NMT2: variants seen among roughly 807,000 people sequenced by gnomAD.
The protein encoded by NMT2 is N-myristoyltransferase 2.
NMT2 carries 35 observed loss-of-function variants against 65.4 expected under a neutral mutation model. That is an observed-to-expected ratio of 0.54 (90% CI 0.41 to 0.71). The LOEUF (loss-of-function observed/expected upper bound fraction) is 0.71, where lower values mean the gene tolerates loss of function less well. NMT2 is among the 30% of genes least tolerant of loss of function. The probability of loss-of-function intolerance (pLI) is 0.00; values close to 1 mark genes in which losing one functional copy is unlikely to be tolerated. For synonymous variants in NMT2, 226 were observed against 231.8 expected, an observed-to-expected ratio of 0.98 and a Z score of 0.23; for missense variants, 489 against 611.3, an observed-to-expected ratio of 0.80 and a Z score of 2.11.
At chr10:15,132,084 C>T (rs1441228267) in intron 6 of NMT2, among the ~76,000 whole-genome samples, 1 of 151,840 alleles carries the variant, frequency 6.6e-6, no homozygotes, top group Non-Finnish European at 1.5e-5. Context: ...AGGCTGGTCT[C>T]GAACTCCTGA....
chr10:15,137,423 T>C (rs1846551806), intron 2 of NMT2, among the ~76,000 whole-genome samples: 1 of 152,134 alleles, frequency 6.6e-6, no homozygotes, highest in Admixed American at 6.6e-5. Flanking sequence ...ACAAAATACT[T>C]TTCCGGTTCT....
At chr10:15,124,452 A>C in intron 8 of NMT2, among the ~76,000 whole-genome samples, 1 of 152,216 alleles carries the variant, frequency 6.6e-6, no homozygotes, top group East Asian at 1.9e-4. Flanking sequence ...TGTGATTAGT[A>C]AATGAGACTA....
chr10:15,119,952 C>T (rs1462071249), intron 8 of NMT2, among the ~76,000 whole-genome samples: 3 of 152,182 alleles, frequency 2.0e-5, no homozygotes, highest in African/African-American at 2.4e-5. Context: ...TTCTGGAGTA[C>T]AGGCAGCCCT....
chr10:15,138,967 G>A (rs1195458330), intron 2 of NMT2, among the ~76,000 whole-genome samples: 1 of 152,192 alleles, frequency 6.6e-6, no homozygotes, highest in Non-Finnish European at 1.5e-5. Flanking sequence ...TAACGTTTGA[G>A]TCAGTGGGCT....
intron 1 of NMT2, among the ~76,000 whole-genome samples, chr10:15,166,400 T>C (rs1833379543): frequency 2.0e-5 from 3 of 152,236 alleles, no homozygotes; most frequent in South Asian, 4.1e-4. Context: ...AGGCCGAGTA[T>C]AGAAAAAGAG....
Position 15,112,817 on chromosome 10 carries a change from G to A in NMT2, c.1317C>T (p.Asp439=), listed in dbSNP as rs137889266. ...TETPLLDLMS[D]ALILAKSKGF... ...TTACCGATTTAGCCAGGATGAGCGCGTCGCTCATGAGGTCCAGCAGGGGCG... is the reference window on the plus strand; with the variant it reads ...TTACCGATTTAGCCAGGATGAGCGCATCGCTCATGAGGTCCAGCAGGGGCG... The change falls in exon 10 of 12, where the codon GAC becomes GAT. Residue 439 remains aspartate, a synonymous_variant. Coordinates refer to ENST00000378165, the MANE Select transcript of NMT2 (RefSeq NM_004808.3). 3.6e-4 allele frequency: 587 copies of A among 1,613,232 alleles called. 4 individuals are homozygous for A. The South Asian group carries it at 5.9e-3, about 16-fold the overall frequency.
At chr10:15,114,895 C>T (rs1845694869) in intron 9 of NMT2, among the ~76,000 whole-genome samples, 1 of 151,960 alleles carries the variant, frequency 6.6e-6, no homozygotes, top group Non-Finnish European at 1.5e-5. Context: ...TCCAGCTACA[C>T]AGGAGGCTGA....
rs1359326954 is a variant in NMT2 at position 15,141,562 on chromosome 10, A to G, written c.111-5T>C. Reference sequence around the variant, plus strand: ...CCCAAATACCCTCCAGGACTTCTGCAGGAAATGCAAAGATGGTGAAACCAA... The same window carrying G: ...CCCAAATACCCTCCAGGACTTCTGCGGGAAATGCAAAGATGGTGAAACCAA... On this transcript the variant is annotated splice_polypyrimidine_tract_variant and splice_region_variant and intron_variant, in intron 1 of 11. Coordinates refer to ENST00000378165, the MANE Select transcript of NMT2 (RefSeq NM_004808.3). 6.2e-7 allele frequency: 1 copy of G among 1,604,688 alleles called. No homozygotes were observed. The highest frequency in any genetic ancestry group is 1.3e-5 in the African/African-American group (1 of 74,564).
rs1346001787 is a variant in NMT2 at position 15,135,295 on chromosome 10, T to C, written c.370A>G (p.Thr124Ala). The change falls in exon 3 of 12, where the codon ACA (threonine) becomes GCA (alanine). Residue 124 changes from threonine (T) to alanine (A), a missense_variant. Thr to Ala is a moderately conservative substitution (Grantham distance 58, BLOSUM62 0). Transcript: ENST00000378165. ...TTACCTAGTTTTGGTACCGGTTGTG[T>C]GTCCCAAAACTGGTATCTGTGCTTT... ...AAKHRYQFWD[T>A]QPVPKLDEVI... 6.2e-7 allele frequency: 1 copy of C among 1,614,012 alleles called. No individual in the cohort carries two copies. Among genetic ancestry groups the C allele is most frequent in the East Asian group, 2.2e-5 (1 of 44,900 alleles).
In NMT2 at chr10:15,108,661, C is replaced by A. The variant is rs1447769816; in HGVS notation, c.*534G>T. 2.0e-6 allele frequency: 2 copies of A among 989,590 alleles called. No homozygotes were observed. The highest frequency in any genetic ancestry group is 2.3e-4 in the East Asian group (2 of 8,874). 61.3% of individuals were successfully genotyped at this position (989,590 alleles called of 1,614,324 possible). A position where few individuals can be genotyped will look rare whatever the true frequency, so the allele number is the denominator to read the frequency against. ...ATTTTAATATTGCTCTGCACTTAAA[C>A]AACCACCACCTGTCACTGAGCTACA... On this transcript the variant is annotated 3_prime_UTR_variant, in exon 12 of 12. Coordinates refer to ENST00000378165, the MANE Select transcript of NMT2 (RefSeq NM_004808.3).
Position 15,108,519 on chromosome 10 carries a change from A to G in NMT2, c.*676T>C. The G allele has an allele frequency of 1.0e-6, 1 of 985,724 alleles. No homozygotes were observed. The highest frequency in any genetic ancestry group is 1.2e-6 in the Non-Finnish European group (1 of 830,162). 61.1% of individuals were successfully genotyped at this position (985,724 alleles called of 1,614,324 possible). On this transcript the variant is annotated 3_prime_UTR_variant, in exon 12 of 12. Coordinates refer to ENST00000378165, the MANE Select transcript of NMT2 (RefSeq NM_004808.3). The stretch of plus-strand genomic sequence containing the variant: ...TTCAGAGAGCACAGTGAGTGCTTGC[A>G]CAAAACTCTGCTTTTGAAGCAATCC...
rs374992347 is a variant in NMT2, at chr10:15,133,205, G to A, written c.510+40C>T. The A allele has an allele frequency of 3.8e-6, 6 of 1,595,958 alleles. No homozygotes were observed. The African/African-American group carries it at 8.0e-5, about 21-fold the overall frequency. ...CAGAATCAACTTAGAAGCAATGTGT[G>A]AATGCAGGAGTTGAATTTAAGAGGT... On this transcript the variant is annotated intron_variant, in intron 4 of 11. Coordinates refer to ENST00000378165, the MANE Select transcript of NMT2 (RefSeq NM_004808.3).
At chr10:15,126,670 A>G (rs1846083739) in intron 8 of NMT2, among the ~76,000 whole-genome samples, 1 of 152,216 alleles carries the variant, frequency 6.6e-6, no homozygotes. Context: ...CTACAGGAGC[A>G]TGGAAATGGA....
At chr10:15,111,597 G>A (rs1845519268) in intron 10 of NMT2, 1 of 149,616 alleles carries the variant, frequency 6.7e-6, no homozygotes, top group Admixed American at 6.7e-5. Flanking sequence ...AAATTTTAAT[G>A]GTAAAAAATT....
intron 1 of NMT2, chr10:15,155,068 C>T: frequency 7.5e-7 from 1 of 1,330,790 alleles, no homozygotes. Flanking sequence ...ATGAAGTTCT[C>T]ATCATCAAAT....
chr10:15,114,785 C>A (rs1316975692), intron 9 of NMT2, among the ~76,000 whole-genome samples: 2 of 152,118 alleles, frequency 1.3e-5, no homozygotes, highest in Non-Finnish European at 2.9e-5. Context: ...GGTGGATTTT[C>A]TGAGCTCAGA....
At chr10:15,137,782 A>G (rs1295756571) in intron 2 of NMT2, among the ~76,000 whole-genome samples, 1 of 152,130 alleles carries the variant, frequency 6.6e-6, no homozygotes, top group Non-Finnish European at 1.5e-5. Flanking sequence ...TAACAGTAAT[A>G]TATCAAACTC....
chr10:15,159,274 A>C (rs1833106183), intron 1 of NMT2, among the ~76,000 whole-genome samples: 1 of 152,182 alleles, frequency 6.6e-6, no homozygotes, highest in African/African-American at 2.4e-5. Context: ...AGAAAGGGAG[A>C]GAGGTTAGAA....
At chr10:15,162,567 C>A (rs888921499) in intron 1 of NMT2, among the ~76,000 whole-genome samples, 4 of 151,934 alleles carry the variant, frequency 2.6e-5, no homozygotes, top group African/African-American at 9.6e-5. Context: ...AGTTCCAGCA[C>A]ACAACAATAA....
Sources: gnomAD v4.1 joint callset for allele counts (sites outside exome capture counted in the v4.1 genomes callset) on GRCh38, gnomAD v4.1.1 for gene constraint, MANE v1.5 for transcripts, NCBI Gene and HGNC (gene_info 2026-07-23, HGNC 2026-07-21) for gene names.